Variants in VPS13A observed in about 807,000 individuals in gnomAD.
VPS13A encodes the protein vacuolar protein sorting 13 homolog A.
A neutral mutation model predicts 390.9 loss-of-function variants in VPS13A; 264 were observed. That is an observed-to-expected ratio of 0.68 (90% CI 0.61 to 0.75). The LOEUF (loss-of-function observed/expected upper bound fraction) is 0.75, where lower values mean the gene tolerates loss of function less well. Among genes scored for constraint, VPS13A ranks in the 30% least tolerant of loss-of-function variants. VPS13A has a pLI of 0.00. For synonymous variants in VPS13A, 1,231 were observed against 1,227.1 expected (o/e 1.00, Z -0.07); for missense variants, 3,409 against 3,733.9 (o/e 0.91, Z 2.27).
At chr9:77,265,344 T>C (rs1178621613) in intron 23 of VPS13A, among the ~76,000 whole-genome samples, 1 of 152,212 alleles carries the variant, frequency 6.6e-6, no homozygotes, top group Admixed American at 6.5e-5. Context: ...TCTTTTTCTA[T>C]TGTTTGGGAT....
At chr9:77,341,730 G>C (rs1287144955) in intron 50 of VPS13A, among the ~76,000 whole-genome samples, 1 of 43,912 alleles carries the variant, frequency 2.3e-5, no homozygotes, top group Non-Finnish European at 4.3e-5. Context: ...TGCTTTTGCT[G>C]TGTCTGAACT....
chr9:77,207,252 T>TACATAA lies in VPS13A; in HGVS notation c.385+1174_385+1175insCATAAA. Among the ~76,000 whole-genome samples, 74 of 87,244 alleles carry TACATAA rather than the reference T, an allele frequency of 8.5e-4. 3 individuals are homozygous for TACATAA. The highest frequency in any genetic ancestry group is 2.8e-3 in the African/African-American group (69 of 24,674). 57.2% of individuals were successfully genotyped at this position (87,244 alleles called of 152,430 possible). A position where few individuals can be genotyped will look rare whatever the true frequency, so the allele number is the denominator to read the frequency against. On this transcript the variant is annotated intron_variant, in intron 5 of 71. Transcript: ENST00000360280. ...ATATATATATATATATATATATATA[T>TACATAA]AAAACGTGTTATATGTAACATAACA...
rs534978363 is a variant in VPS13A, at chr9:77,277,465, G to A, written c.2824+1244G>A. ...CCAAGAGTCCACAATTTACATTAAG[G>A]TTCACTGTTGCTGTTATACCTTCTG... On this transcript the variant is annotated intron_variant, in intron 26 of 71. Coordinates refer to ENST00000360280, the MANE Select transcript of VPS13A (RefSeq NM_033305.3). Among the ~76,000 whole-genome samples, 27 of 152,200 alleles carry A rather than the reference G, an allele frequency of 1.8e-4. No individual in the cohort carries two copies. In the South Asian group the frequency reaches 5.4e-3, roughly 30 times the overall value.
At chr9:77,205,899 T>G in intron 4 of VPS13A, 79 bp from the exon 5 acceptor site, 1 of 1,155,336 alleles carries the variant, frequency 8.7e-7, no homozygotes, top group Non-Finnish European at 1.2e-6. Context: ...CAATTAATGA[T>G]TATTTGTAAG....
At chr9:77,382,808 A>C in intron 68 of VPS13A, 1 of 985,458 alleles carries the variant, frequency 1.0e-6, no homozygotes, top group Non-Finnish European at 1.2e-6. Flanking sequence ...TCTTTTAATA[A>C]TACAAAGTAG....
intron 67 of VPS13A, among the ~76,000 whole-genome samples, chr9:77,375,146 A>C (rs946243383): frequency 2.0e-5 from 3 of 152,184 alleles, no homozygotes; most frequent in African/African-American, 7.2e-5. Flanking sequence ...CTTCTTTCAA[A>C]AGCTGCTAGA....
At chr9:77,232,917 T>C (rs914744030) in intron 17 of VPS13A, among the ~76,000 whole-genome samples, 2 of 152,164 alleles carry the variant, frequency 1.3e-5, no homozygotes, top group East Asian at 3.9e-4. Flanking sequence ...GAGTTTTTGG[T>C]TACTGATTTA....
chr9:77,236,494 GATGTAGTTTTCCATTTGTTTACCT>G (rs1446971723), intron 17 of VPS13A, among the ~76,000 whole-genome samples: 1 of 152,152 alleles, frequency 6.6e-6, no homozygotes, highest in Non-Finnish European at 1.5e-5. Context: ...ATTGTTGAAG[GATGTAGTTTTCCATTTGTTTACCT>G]ACTGTAGTGG....
intron 50 of VPS13A, among the ~76,000 whole-genome samples, chr9:77,342,988 G>C (rs1439856879): frequency 6.6e-6 from 1 of 152,186 alleles, no homozygotes; most frequent in Non-Finnish European, 1.5e-5. Context: ...ATGGAAATAT[G>C]CTGAGCACTG....
chr9:77,318,060 C>CAA (rs1443364479), intron 40 of VPS13A, among the ~76,000 whole-genome samples, 175 bp from the exon 41 acceptor site: 2 of 151,694 alleles, frequency 1.3e-5, no homozygotes, highest in Non-Finnish European at 2.9e-5. Flanking sequence ...TTCATGTAAA[C>CAA]ACATAACAAG....
In VPS13A at chr9:77,323,320, A is replaced by G; in HGVS notation, c.5991+93A>G. 9 of 1,451,074 alleles carry G rather than the reference A, an allele frequency of 6.2e-6. No individual in the cohort carries two copies. In the South Asian group the frequency reaches 9.3e-5, roughly 15 times the overall value. The allele number at this position is 1,451,074 out of a possible 1,614,324, so 89.9% of individuals were successfully genotyped here. On this transcript the variant is annotated intron_variant, in intron 45 of 71. Coordinates refer to ENST00000360280, the MANE Select transcript of VPS13A (RefSeq NM_033305.3). ...ACAACAACAAATTATTACTGAAAGAATATAAACCGTAACAGTAATACAGCT... is the reference window on the plus strand; with the variant it reads ...ACAACAACAAATTATTACTGAAAGAGTATAAACCGTAACAGTAATACAGCT...
chr9:77,205,252 A>G lies in VPS13A; in HGVS notation c.188-61A>G, dbSNP rs983711097. 44 of 918,058 alleles carry G rather than the reference A, an allele frequency of 4.8e-5. 1 individual carries two copies. Among genetic ancestry groups the G allele is most frequent in the Non-Finnish European group, 6.9e-5 (42 of 612,352 alleles). 56.9% of individuals were successfully genotyped at this position (918,058 alleles called of 1,614,324 possible). On this transcript the variant is annotated intron_variant, in intron 3 of 71. Transcript: ENST00000360280. ...ATGCCTGACAGAAAATAGACTAACC[A>G]TAAATGCAGGTTGAAGGAGTAATAT...
At chr9:77,299,609 A>G (rs1346101273) in intron 33 of VPS13A, among the ~76,000 whole-genome samples, 1 of 152,194 alleles carries the variant, frequency 6.6e-6, no homozygotes, top group Non-Finnish European at 1.5e-5. Context: ...ATTCTCCTGT[A>G]AAGACACATG....
chr9:77,351,534 A>G, intron 53 of VPS13A, 88 bp downstream of exon 53: 1 of 1,536,710 alleles, frequency 6.5e-7, no homozygotes, highest in Non-Finnish European at 8.9e-7. Context: ...CTGTAATCCC[A>G]GCACTTTTGG....
At chr9:77,403,138 C>G (rs1834459133) in intron 68 of VPS13A, 98 bp from the exon 69 acceptor site, 1 of 787,878 alleles carries the variant, frequency 1.3e-6, no homozygotes, top group Non-Finnish European at 2.2e-6. Flanking sequence ...ATGGTTTGCC[C>G]CATTGAGAAA....
chr9:77,370,725 G>A (rs1832703031), intron 65 of VPS13A, 147 bp downstream of exon 65: 1 of 1,344,186 alleles, frequency 7.4e-7, no homozygotes, highest in African/African-American at 1.9e-5. Flanking sequence ...TATAAAACAT[G>A]TCAGTAGCCT....
At chr9:77,304,109 G>C (rs1287794345) in intron 34 of VPS13A, among the ~76,000 whole-genome samples, 6 of 152,196 alleles carry the variant, frequency 3.9e-5, no homozygotes, top group Admixed American at 3.9e-4. Flanking sequence ...TTCAAGGGCA[G>C]AGGTCCCTGC....
chr9:77,334,195 T>G (rs1165038045), intron 46 of VPS13A, among the ~76,000 whole-genome samples: 1 of 152,202 alleles, frequency 6.6e-6, no homozygotes, highest in Non-Finnish European at 1.5e-5. Flanking sequence ...GTTGGGAATT[T>G]GTTGGAATGT....
At chr9:77,320,105 T>C (rs932306745) in intron 42 of VPS13A, among the ~76,000 whole-genome samples, 1 of 152,202 alleles carries the variant, frequency 6.6e-6, no homozygotes, top group Non-Finnish European at 1.5e-5. Flanking sequence ...GAACACAGTT[T>C]AGACATTGTT....
Sources: allele counts gnomAD v4.1 joint callset (sites outside exome capture counted in the v4.1 genomes callset), GRCh38; gene constraint gnomAD v4.1.1; transcripts MANE v1.5; gene names NCBI Gene and HGNC (gene_info 2026-07-23, HGNC 2026-07-21).